Variants in RTF2 observed in about 807,000 individuals in gnomAD.
RTF2 encodes the protein UPF0549 protein C20orf43.
RTF2 carries 18 observed loss-of-function variants against 38.0 expected under a neutral mutation model. That is an observed-to-expected ratio of 0.47 (90% CI 0.33 to 0.70). The LOEUF (loss-of-function observed/expected upper bound fraction) is 0.70. Among genes scored for constraint, RTF2 ranks in the 30% least tolerant of loss-of-function variants. The probability of loss-of-function intolerance (pLI) is 0.02; values close to 1 mark genes in which losing one functional copy is unlikely to be tolerated. For missense variants in RTF2, 311 were observed against 379.6 expected (o/e 0.82, Z 1.50); for synonymous variants, 126 against 137.1 (o/e 0.92, Z 0.57).
chr20:56,503,138 A>G (rs1254221276), intron 5 of RTF2, among the ~76,000 whole-genome samples: 3 of 152,198 alleles, frequency 2.0e-5, no homozygotes, highest in Non-Finnish European at 4.4e-5. Context: ...GTAGCCACAC[A>G]TTGAAAATGT....
At chr20:56,474,901 G>C (rs1439431978) in intron 3 of RTF2, 130 bp downstream of exon 3, 1 of 550,464 alleles carries the variant, frequency 1.8e-6, no homozygotes, top group African/African-American at 1.9e-5. Flanking sequence ...ATCTAATACA[G>C]GTATGATCTT....
chr20:56,468,885 AT>A, intron 1 of RTF2, 119 bp downstream of exon 1: 1 of 784,832 alleles, frequency 1.3e-6, no homozygotes, highest in South Asian at 1.7e-5. Context: ...GCGGTCTTTT[AT>A]TCCATTCAGA....
In RTF2 at chr20:56,518,845, A is replaced by G. The variant is rs6999; in HGVS notation, c.*580A>G. On this transcript the variant is annotated 3_prime_UTR_variant, in exon 9 of 9. Transcript: ENST00000357348. The stretch of plus-strand genomic sequence containing the variant: ...ATAGCAGAGTCATAGTTGGGCACCC[A>G]GTGATTGGGTTCAAAAATAAAGCTG... 0.41 allele frequency: 62,556 copies of G among 151,908 alleles called. 13,434 individuals carry two copies. Among genetic ancestry groups the G allele is most frequent in the Non-Finnish European group, 0.45 (30,350 of 67,958 alleles). The allele number at this position is 151,908 out of a possible 1,614,324, so 9.4% of individuals were successfully genotyped here.
intron 5 of RTF2, among the ~76,000 whole-genome samples, chr20:56,492,888 C>T (rs371616657): frequency 4.9e-4 from 74 of 150,008 alleles, no homozygotes; most frequent in African/African-American, 1.6e-3. Flanking sequence ...TTTAAAAAAA[C>T]GTATCTTGGC....
At chr20:56,485,862 C>T (rs777526442) in intron 5 of RTF2, among the ~76,000 whole-genome samples, 8 of 152,168 alleles carry the variant, frequency 5.3e-5, no homozygotes, top group Admixed American at 3.9e-4. Flanking sequence ...TGTGAGACAT[C>T]ACACTCTATT....
intron 5 of RTF2, among the ~76,000 whole-genome samples, chr20:56,500,721 T>C (rs1983873234): frequency 6.6e-6 from 1 of 152,236 alleles, no homozygotes; most frequent in Admixed American, 6.5e-5. Context: ...AATGGATGCC[T>C]GCTGGACTGC....
At chr20:56,486,075 G>A (rs776064543) in intron 5 of RTF2, among the ~76,000 whole-genome samples, 16 of 152,132 alleles carry the variant, frequency 1.1e-4, no homozygotes, top group Admixed American at 2.0e-4. Context: ...CTGGGGAGGC[G>A]CACAGCCAGG....
At chr20:56,517,778 A>G (rs1035975495) in intron 8 of RTF2, among the ~76,000 whole-genome samples, 4 of 152,194 alleles carry the variant, frequency 2.6e-5, no homozygotes, top group South Asian at 2.1e-4. Context: ...CCGGCTCTAC[A>G]TGGGACAGCC....
At chr20:56,501,453 T>G (rs531912753) in intron 5 of RTF2, among the ~76,000 whole-genome samples, 1 of 152,106 alleles carries the variant, frequency 6.6e-6, no homozygotes, top group Non-Finnish European at 1.5e-5. Context: ...TCTTACTGAG[T>G]TTTTGAACCA....
chr20:56,504,698 G>C (rs1359387208), intron 5 of RTF2, among the ~76,000 whole-genome samples: 1 of 152,084 alleles, frequency 6.6e-6, no homozygotes, highest in Admixed American at 6.5e-5. Context: ...TCCTTTTCTG[G>C]TTTTAAAGGT....
chr20:56,475,446 TA>T lies in RTF2; in HGVS notation c.258+676del, dbSNP rs968971150. Among the ~76,000 whole-genome samples the T allele has an allele frequency of 2.0e-4, 31 of 152,332 alleles. 1 individual carries two copies. The East Asian group carries it at 5.8e-3, about 28-fold the overall frequency. On this transcript the variant is annotated intron_variant, in intron 3 of 8. Transcript: ENST00000357348. The stretch of plus-strand genomic sequence containing the variant: ...TTTTTCTTTCTTTCTTTCGTATTAT[TA>T]GGCTTTTTGTTCAAATGCTTGGGGT...
intron 5 of RTF2, among the ~76,000 whole-genome samples, chr20:56,508,470 G>A (rs1478454256): frequency 6.6e-6 from 1 of 152,092 alleles, no homozygotes; most frequent in Non-Finnish European, 1.5e-5. Flanking sequence ...TTTTTCAAAG[G>A]CAGTGTCTTA....
intron 5 of RTF2, among the ~76,000 whole-genome samples, chr20:56,499,675 C>G (rs1001831630): frequency 4.6e-5 from 7 of 151,860 alleles, no homozygotes; most frequent in Middle Eastern, 3.4e-3. Context: ...TCATATCTTC[C>G]CCTGTATTAT....
At chr20:56,493,837 A>G (rs1983332266) in intron 5 of RTF2, among the ~76,000 whole-genome samples, 1 of 152,110 alleles carries the variant, frequency 6.6e-6, no homozygotes, top group African/African-American at 2.4e-5. Context: ...TGTGTTAATG[A>G]TATTTGAGTG....
intron 6 of RTF2, 195 bp from the exon 7 acceptor site, chr20:56,516,740 A>G (rs1985063510): frequency 1.6e-6 from 1 of 628,348 alleles, no homozygotes; most frequent in Non-Finnish European, 2.8e-6. Context: ...GCAGAAGTGC[A>G]TGACTGGTGT....
chr20:56,504,827 C>G (rs1984160020), intron 5 of RTF2, among the ~76,000 whole-genome samples: 1 of 152,244 alleles, frequency 6.6e-6, no homozygotes, highest in South Asian at 2.1e-4. Context: ...GCCTTGACGC[C>G]TAAGCGGGAT....
chr20:56,503,384 G>A (rs1051871134), intron 5 of RTF2, among the ~76,000 whole-genome samples: 4 of 152,132 alleles, frequency 2.6e-5, no homozygotes, highest in Non-Finnish European at 5.9e-5. Context: ...TCAAAACAAC[G>A]ACAAGAAATA....
At chr20:56,505,693 G>A (rs937118429) in intron 5 of RTF2, among the ~76,000 whole-genome samples, 2 of 151,900 alleles carry the variant, frequency 1.3e-5, no homozygotes, top group East Asian at 3.9e-4. Flanking sequence ...GCTGGGGAGT[G>A]TTGCCCACAT....
At chr20:56,470,193 G>A (rs1014625576) in intron 1 of RTF2, among the ~76,000 whole-genome samples, 6 of 152,170 alleles carry the variant, frequency 3.9e-5, no homozygotes, top group Admixed American at 1.3e-4. Context: ...GGCGAATGCT[G>A]GATAATTAGC....
Sources: allele counts gnomAD v4.1 joint callset (sites outside exome capture counted in the v4.1 genomes callset), GRCh38; gene constraint gnomAD v4.1.1; transcripts MANE v1.5; gene names NCBI Gene and HGNC (gene_info 2026-07-23, HGNC 2026-07-21).